Variants in AGBL2 observed in about 807,000 individuals in gnomAD.
AGBL2 encodes the protein cytosolic carboxypeptidase 2.
A neutral mutation model predicts 103.0 loss-of-function variants in AGBL2; 87 were observed. The ratio of observed to expected loss-of-function variants is 0.84; its 90% CI spans 0.71 to 1.01. The LOEUF (loss-of-function observed/expected upper bound fraction) is 1.01, where lower values mean the gene tolerates loss of function less well. Ranked by LOEUF, AGBL2 falls within the 50% of genes least tolerant of loss-of-function variation. The probability of loss-of-function intolerance (pLI) is 0.00; values close to 1 mark genes in which losing one functional copy is unlikely to be tolerated. For synonymous variants in AGBL2, 335 were observed against 356.7 expected (o/e 0.94, Z 0.69); for missense variants, 904 against 1,023.5 (o/e 0.88, Z 1.59).
rs779446769 is a variant in AGBL2 at position 47,660,177 on chromosome 11, G to A, written c.2705C>T (p.Pro902Leu). 7.5e-6 allele frequency: 12 copies of A among 1,609,866 alleles called. No individual in the cohort carries two copies. Among genetic ancestry groups the A allele is most frequent in the South Asian group, 3.3e-5 (3 of 90,422 alleles). The change falls in exon 19 of 19, where the codon CCG (proline) becomes CTG (leucine). Residue 902 changes from proline (P) to leucine (L), a missense_variant. Physicochemically the swap from Pro to Leu is moderately conservative, Grantham distance 98 (BLOSUM62 -3). Coordinates refer to ENST00000525123, the MANE Select transcript of AGBL2 (RefSeq NM_024783.4). ...TGTGGCACAGCCCAGGCTCACCTAC[G>A]GGTATGTGTATATGTGCAAGGATGG... The part of the protein sequence containing the change: ...AYPSLHIYTY[P>L]
At chr11:47,681,570 C>T (rs932883748) in intron 12 of AGBL2, among the ~76,000 whole-genome samples, 4 of 152,106 alleles carry the variant, frequency 2.6e-5, no homozygotes, top group African/African-American at 4.8e-5. Context: ...CGGGTTCAAG[C>T]GATTCTCCTG....
rs71228117 is a variant in AGBL2 at position 47,705,641 on chromosome 11, CAAAAA to C, written c.287-12_287-8del. On this transcript the variant is annotated splice_polypyrimidine_tract_variant and splice_region_variant and intron_variant, in intron 5 of 18. Coordinates refer to ENST00000525123, the MANE Select transcript of AGBL2 (RefSeq NM_024783.4). The stretch of plus-strand genomic sequence containing the variant: ...CCCAGGCAAGAGTGAAAGTCTGTGT[CAAAAA>C]AAAAAAAAAAAGAAAAAGAAAAAGA... The C allele has an allele frequency of 5.0e-4, 207 of 412,690 alleles. No individual in the cohort carries two copies. The highest frequency in any genetic ancestry group is 9.4e-4 in the South Asian group (30 of 32,082). The allele number at this position is 412,690 out of a possible 1,614,324, so 25.6% of individuals were successfully genotyped here.
chr11:47,685,955 G>C lies in AGBL2; in HGVS notation c.1726C>G (p.Arg576Gly), dbSNP rs377387294. The change falls in exon 11 of 19, where the codon CGC becomes GGC. Residue 576 changes from arginine to glycine, a missense_variant. Transcript: ENST00000525123. ...ACTCGTTCATGAAGCCAGTATTTGCGATTGTTGTTATTACAGCCATACAGG... is the reference window on the plus strand; with the variant it reads ...ACTCGTTCATGAAGCCAGTATTTGCCATTGTTGTTATTACAGCCATACAGG... ...IFLYGCNNNN[R>G]KYWLHERVFP... 8.1e-6 allele frequency: 13 copies of C among 1,613,988 alleles called. No individual in the cohort carries two copies. In the South Asian group the frequency reaches 1.4e-4, roughly 18 times the overall value.
intron 4 of AGBL2, among the ~76,000 whole-genome samples, chr11:47,707,426 G>C (rs1008412021): frequency 6.6e-6 from 1 of 152,168 alleles, no homozygotes; most frequent in Non-Finnish European, 1.5e-5. Context: ...AGGCAAGGAG[G>C]AGCAAGTCAT....
chr11:47,689,407 C>T (rs530449820), intron 10 of AGBL2, among the ~76,000 whole-genome samples: 85 of 149,392 alleles, frequency 5.7e-4, no homozygotes, highest in African/African-American at 1.9e-3. Context: ...TTGGTTCAAG[C>T]GATTCTCCTG....
intron 7 of AGBL2, among the ~76,000 whole-genome samples, chr11:47,701,503 T>C (rs1303247843): frequency 6.7e-6 from 1 of 148,568 alleles, no homozygotes; most frequent in African/African-American, 2.5e-5. Context: ...TGTAGTTTAG[T>C]GAATTACCAC....
Position 47,703,696 on chromosome 11 carries a change from G to A in AGBL2, c.586+847C>T, listed in dbSNP as rs527542608. ...TCCCAGCACTTTGGGAGGCCGAGGC[G>A]GGTGGATCACCTGAGGTTGGGGAGT... On this transcript the variant is annotated intron_variant, in intron 7 of 18. Transcript: ENST00000525123. Among the ~76,000 whole-genome samples the A allele has an allele frequency of 1.8e-4, 28 of 151,890 alleles. No individual in the cohort carries two copies. In the East Asian group the frequency reaches 2.1e-3, roughly 12 times the overall value.
At chr11:47,702,557 T>C (rs1158940811) in intron 7 of AGBL2, among the ~76,000 whole-genome samples, 1 of 152,088 alleles carries the variant, frequency 6.6e-6, no homozygotes, top group Non-Finnish European at 1.5e-5. Flanking sequence ...TATGAACGAA[T>C]ATTATAAAGC....
chr11:47,675,478 G>A (rs966282826), intron 14 of AGBL2, among the ~76,000 whole-genome samples: 24 of 141,222 alleles, frequency 1.7e-4, no homozygotes, highest in African/African-American at 5.6e-4. Context: ...TCCACCTCTC[G>A]GGTTCAGGCG....
chr11:47,667,746 C>T (rs1246320790), intron 15 of AGBL2, 50 bp from the exon 16 acceptor site: 1 of 1,588,848 alleles, frequency 6.3e-7, no homozygotes, highest in Admixed American at 1.8e-5. Context: ...AGAACTAGGC[C>T]CACCCACATG....
At position 47,667,684 on chromosome 11, in the gene AGBL2, T is replaced by G. The variant is rs759065796; in HGVS notation, c.2227A>C (p.Lys743Gln). 29 of 1,611,692 alleles carry G rather than the reference T, an allele frequency of 1.8e-5. 1 individual carries two copies. The South Asian group carries it at 2.9e-4, about 16-fold the overall frequency. ...TTTTTTTTCTTCTTAAACATCTTCT[T>G]TTTCTGAGTCAGCTATTCCAGAAAG... ...ANIADELTQK[K>Q]KMFKKKKKKS... Residue 743 changes from lysine to glutamine, a missense_variant, in exon 16 of 19, where the codon AAG becomes CAG. Coordinates refer to ENST00000525123, the MANE Select transcript of AGBL2 (RefSeq NM_024783.4).
intron 8 of AGBL2, among the ~76,000 whole-genome samples, chr11:47,695,650 T>G (rs557598473): frequency 6.6e-6 from 1 of 150,404 alleles, no homozygotes; most frequent in South Asian, 2.1e-4. Flanking sequence ...GGTACATGCC[T>G]GTAGCCCCAG....
intron 15 of AGBL2, among the ~76,000 whole-genome samples, chr11:47,668,478 T>C (rs2097347786): frequency 6.6e-6 from 1 of 152,144 alleles, no homozygotes; most frequent in Non-Finnish European, 1.5e-5. Context: ...CAAGACTCCA[T>C]CTCAAAAGAC....
intron 14 of AGBL2, among the ~76,000 whole-genome samples, chr11:47,670,029 A>G (rs2097352680): frequency 6.6e-6 from 1 of 152,252 alleles, no homozygotes; most frequent in Non-Finnish European, 1.5e-5. Context: ...CTGGCACCAA[A>G]GAGTTTGCAG....
At chr11:47,692,732 T>A (rs1344773334) in intron 8 of AGBL2, among the ~76,000 whole-genome samples, 1 of 151,856 alleles carries the variant, frequency 6.6e-6, no homozygotes, top group African/African-American at 2.4e-5. Flanking sequence ...AATTTTTTTT[T>A]AAATGAATTA....
rs913064761 is a variant in AGBL2, at chr11:47,692,139, C to T, written c.812G>A (p.Arg271Lys). 2 of 1,612,806 alleles carry T rather than the reference C, an allele frequency of 1.2e-6. No individual in the cohort carries two copies. Among genetic ancestry groups the T allele is most frequent in the Non-Finnish European group, 1.7e-6 (2 of 1,179,172 alleles). Residue 271 changes from arginine (R) to lysine (K), a missense_variant, in exon 9 of 19, where the codon AGG (arginine) becomes AAG (lysine). Arg to Lys is a conservative substitution (Grantham distance 26). Coordinates refer to ENST00000525123, the MANE Select transcript of AGBL2 (RefSeq NM_024783.4). ...PEDNTLLFESRFESGNLQKAV... is the reference protein window; with the variant it reads ...PEDNTLLFESKFESGNLQKAV... Reference sequence around the variant, plus strand: ...TTTTTGCAGATTCCCACTCTCAAACCTTGATTCAAACAGTAGAGTATTATC... The same window carrying T: ...TTTTTGCAGATTCCCACTCTCAAACTTTGATTCAAACAGTAGAGTATTATC...
At chr11:47,688,172 T>G (rs916794852) in intron 10 of AGBL2, among the ~76,000 whole-genome samples, 2 of 152,042 alleles carry the variant, frequency 1.3e-5, no homozygotes, top group Non-Finnish European at 1.5e-5. Flanking sequence ...TTGCTCAGGC[T>G]GGTCTCCAAC....
At chr11:47,705,336 C>T (rs577941325) in intron 6 of AGBL2, 185 bp downstream of exon 6, 6 of 155,986 alleles carry the variant, frequency 3.8e-5, no homozygotes, top group South Asian at 1.9e-4. Context: ...AAAAGAAAGG[C>T]TTTCAGGAAG....
In AGBL2 at chr11:47,692,273, T is replaced by G. The variant is rs776851106; in HGVS notation, c.695-17A>C. On this transcript the variant is annotated splice_polypyrimidine_tract_variant and intron_variant, in intron 8 of 18. Coordinates refer to ENST00000525123, the MANE Select transcript of AGBL2 (RefSeq NM_024783.4). ...CTATAGGCACTGCAGAGAAAAGATA[T>G]ATTTAGGCTAGGTTCTACTCAGAAT... 1 of 1,611,906 alleles carries G rather than the reference T, an allele frequency of 6.2e-7. No individual in the cohort carries two copies. The highest frequency in any genetic ancestry group is 1.3e-5 in the African/African-American group (1 of 74,838).
Sources: allele counts gnomAD v4.1 joint callset (sites outside exome capture counted in the v4.1 genomes callset), GRCh38; gene constraint gnomAD v4.1.1; transcripts MANE v1.5; gene names NCBI Gene and HGNC (gene_info 2026-07-23, HGNC 2026-07-21).